Variants in SATB1 observed in about 807,000 individuals in gnomAD.
The protein encoded by SATB1 is SATB homeobox 1.
A neutral mutation model predicts 86.9 loss-of-function variants in SATB1; 11 were observed. The ratio of observed to expected loss-of-function variants is 0.13; its 90% CI spans 0.08 to 0.21. The LOEUF is 0.21. Among genes scored for constraint, SATB1 ranks in the 10% least tolerant of loss-of-function variants. The probability of loss-of-function intolerance (pLI) is 1.00; values close to 1 mark genes in which losing one functional copy is unlikely to be tolerated. For missense variants in SATB1, 551 were observed against 937.6 expected (o/e 0.59, Z 5.39); for synonymous variants, 357 against 357.2 (o/e 1.00, Z 0.01).
intron 5 of SATB1, among the ~76,000 whole-genome samples, chr3:18,413,749 A>G (rs1168628707): frequency 6.6e-6 from 1 of 152,124 alleles, no homozygotes; most frequent in African/African-American, 2.4e-5. Flanking sequence ...CTGAATTGCA[A>G]GAAATGGACA....
intron 5 of SATB1, chr3:18,411,102 C>T: frequency 2.6e-6 from 1 of 382,052 alleles, no homozygotes; most frequent in Non-Finnish European, 4.6e-6. Flanking sequence ...AATATTACTT[C>T]TAAATGGAAT....
rs190950329 is a variant in SATB1, at chr3:18,387,667, T to C, written c.1207-1056A>G. ...CTTGTACATGAAATAATGCTTGGAA[T>C]AGTAAGACATATTTGGTTTCTTCAC... On this transcript the variant is annotated intron_variant, in intron 7 of 10. Coordinates refer to ENST00000338745, the MANE Select transcript of SATB1 (RefSeq NM_002971.6). Among the ~76,000 whole-genome samples the C allele has an allele frequency of 2.6e-4, 39 of 152,288 alleles. 1 individual carries two copies. Among genetic ancestry groups the C allele is most frequent in the Admixed American group, 2.1e-3 (32 of 15,294 alleles).
chr3:18,428,230 G>C (rs1265971101), upstream of SATB1, among the ~76,000 whole-genome samples: 1 of 152,158 alleles, frequency 6.6e-6, no homozygotes, highest in Non-Finnish European at 1.5e-5. Flanking sequence ...TGGTGGCACT[G>C]GATATTACAT....
At position 18,349,460 on chromosome 3, in the gene SATB1, G is replaced by C. The variant is rs769372825; in HGVS notation, c.2002C>G (p.Leu668Val). Residue 668 changes from leucine to valine, a missense_variant, in exon 11 of 11, where the codon CTG (leucine) becomes GTG (valine). Coordinates refer to ENST00000338745, the MANE Select transcript of SATB1 (RefSeq NM_002971.6). This position sits in a 1 kb window ranked among gnomAD's most constrained non-coding sequence, Gnocchi z 5.5. Reference sequence around the variant, plus strand: ...TGGATGGCCTCTTCGTCAGGGTACAGGCCCACGTCTTGTATGAAACTCTGG... The same window carrying C: ...TGGATGGCCTCTTCGTCAGGGTACACGCCCACGTCTTGTATGAAACTCTGG... ...ILQSFIQDVGLYPDEEAIQTL... is the reference protein window; with the variant it reads ...ILQSFIQDVGVYPDEEAIQTL... 5 of 1,614,036 alleles carry C rather than the reference G, an allele frequency of 3.1e-6. No individual in the cohort carries two copies. The South Asian group carries it at 5.5e-5, about 18-fold the overall frequency.
intron 7 of SATB1, among the ~76,000 whole-genome samples, chr3:18,390,813 A>T (rs1010678306): frequency 6.6e-6 from 1 of 152,178 alleles, no homozygotes; most frequent in African/African-American, 2.4e-5. Context: ...TTAAACTCTG[A>T]ATTTTATTCT....
chr3:18,415,230 G>A lies in SATB1; in HGVS notation c.520C>T (p.Pro174Ser). The A allele has an allele frequency of 6.2e-7, 1 of 1,612,670 alleles. No individual in the cohort carries two copies. The highest frequency in any genetic ancestry group is 8.5e-7 in the Non-Finnish European group (1 of 1,179,066). The change falls in exon 5 of 11, where the codon CCC becomes TCC. Residue 174 changes from proline to serine, a missense_variant. By Grantham distance (74) the Pro-to-Ser change is moderately conservative. Transcript: ENST00000338745. ...VTLKIQLHSC[P>S]KLEDLPPEQW... ...TCGGGAGGCAAGTCTTCTAGTTTGG[G>A]GCAACTATTTGAGACATAGATTAGA...
chr3:18,399,395 T>C (rs142689852), intron 5 of SATB1, among the ~76,000 whole-genome samples: 374 of 152,288 alleles, frequency 2.5e-3, no homozygotes, highest in Non-Finnish European at 4.0e-3. Context: ...AACACAGATA[T>C]GTAAATAGAT....
intron 2 of SATB1, among the ~76,000 whole-genome samples, chr3:18,418,087 T>C (rs9874770): frequency 0.014 from 2,189 of 152,244 alleles, 56 homozygotes; most frequent in African/African-American, 0.05. Flanking sequence ...ATCTGAATTG[T>C]ACTGTGGCAA....
chr3:18,351,546 C>G (rs1694363164), intron 10 of SATB1: 6 of 634,906 alleles, frequency 9.5e-6, no homozygotes, highest in Non-Finnish European at 1.6e-5. Context: ...CTCCCCTCCT[C>G]TTTCTGGACA....
intron 9 of SATB1, among the ~76,000 whole-genome samples, chr3:18,366,026 G>A (rs1429863200): frequency 6.6e-6 from 1 of 152,120 alleles, no homozygotes; most frequent in Non-Finnish European, 1.5e-5. Context: ...CCTTGACCTT[G>A]TTGAAAGTAA....
intron 9 of SATB1, among the ~76,000 whole-genome samples, chr3:18,362,613 TA>T (rs1417522805): frequency 6.6e-6 from 1 of 151,788 alleles, no homozygotes; most frequent in Non-Finnish European, 1.5e-5. Context: ...GACAGCACCA[TA>T]AAAAACTCTG....
chr3:18,443,863 C>T lies in SATB1; in HGVS notation c.-25+1655G>A, dbSNP rs1699307207. On this transcript the variant is annotated intron_variant, in intron 1 of 3. Transcript: ENST00000415069. This position sits in a 1 kb window ranked among gnomAD's most constrained non-coding sequence, Gnocchi z 4.4. ...GCCCTTTCTTCTGCCTCTTGCCCAACTCCAAACCCACATTCACGCCAGCAG... is the reference window on the plus strand; with the variant it reads ...GCCCTTTCTTCTGCCTCTTGCCCAATTCCAAACCCACATTCACGCCAGCAG... Among the ~76,000 whole-genome samples, 1 of 152,216 alleles carries T rather than the reference C, an allele frequency of 6.6e-6. No individual in the cohort carries two copies. The highest frequency in any genetic ancestry group is 6.5e-5 in the Admixed American group (1 of 15,290).
chr3:18,437,834 T>C (rs990476857), intron 1 of SATB1, among the ~76,000 whole-genome samples: 1 of 152,206 alleles, frequency 6.6e-6, no homozygotes, highest in Admixed American at 6.5e-5. Flanking sequence ...ACAAATTCTA[T>C]AGATTTTTTA....
chr3:18,350,564 C>T (rs1001135498), intron 10 of SATB1: 2 of 152,244 alleles, frequency 1.3e-5, no homozygotes, highest in African/African-American at 4.8e-5. Context: ...TATTAGAATG[C>T]TGATACCGTG....
chr3:18,390,955 T>A (rs1233055757), intron 7 of SATB1, among the ~76,000 whole-genome samples: 1 of 152,160 alleles, frequency 6.6e-6, no homozygotes, highest in African/African-American at 2.4e-5. Context: ...TAGGTTTCCA[T>A]TAAAAAGACA....
chr3:18,442,378 A>C (rs1245114232), upstream of SATB1, among the ~76,000 whole-genome samples: 3 of 152,216 alleles, frequency 2.0e-5, no homozygotes, highest in African/African-American at 7.2e-5. Flanking sequence ...GCTACTGTTT[A>C]AATATTATGT....
At position 18,416,894 on chromosome 3, in the gene SATB1, T is replaced by G; in HGVS notation, c.388+8A>C. ...CAATTTTTCCAACCCCACGTACACA[T>G]TATTTACCTTTGGCCTGGGCAGCAG... On this transcript the variant is annotated splice_region_variant and intron_variant, in intron 3 of 10. Coordinates refer to ENST00000338745, the MANE Select transcript of SATB1 (RefSeq NM_002971.6). 6.3e-7 allele frequency: 1 copy of G among 1,597,358 alleles called. No homozygotes were observed. The highest frequency in any genetic ancestry group is 8.5e-7 in the Non-Finnish European group (1 of 1,173,296).
At position 18,400,716 on chromosome 3, in the gene SATB1, C is replaced by T. The variant is rs538180378; in HGVS notation, c.640-3426G>A. ...AATTACTATGACAATCCTTTGCCTC[C>T]TCCTCATCACTGGGCTTTCATTATA... On this transcript the variant is annotated intron_variant, in intron 5 of 10. Coordinates refer to ENST00000338745, the MANE Select transcript of SATB1 (RefSeq NM_002971.6). 2.2e-4 allele frequency among the ~76,000 whole-genome samples: 34 copies of T among 152,254 alleles called. No homozygotes were observed. In the South Asian group the frequency reaches 6.6e-3, roughly 30 times the overall value.
chr3:18,346,192 T>C lies in SATB1; in HGVS notation c.*2978A>G, dbSNP rs556433798. On this transcript the variant is annotated 3_prime_UTR_variant, in exon 11 of 11. Coordinates refer to ENST00000338745, the MANE Select transcript of SATB1 (RefSeq NM_002971.6). ...TGTGGCAAGGAGATACTATCAACATTTTTTTTTGCATAATGTGCAAGTATT... is the reference window on the plus strand; with the variant it reads ...TGTGGCAAGGAGATACTATCAACATCTTTTTTTGCATAATGTGCAAGTATT... The C allele has an allele frequency of 2.0e-5, 3 of 151,540 alleles. No homozygotes were observed. The highest frequency in any genetic ancestry group is 2.9e-5 in the Non-Finnish European group (2 of 67,868). The allele number at this position is 151,540 out of a possible 1,614,324, so 9.4% of individuals were successfully genotyped here.
Sources: gnomAD v4.1 joint callset for allele counts (sites outside exome capture counted in the v4.1 genomes callset) on GRCh38, gnomAD v4.1.1 for gene constraint, Gnocchi (gnomAD v3.1) non-coding constraint, MANE v1.5 for transcripts, NCBI Gene and HGNC (gene_info 2026-07-23, HGNC 2026-07-21) for gene names.